CDC42BPA: variants seen among roughly 807,000 people sequenced by gnomAD.
The protein encoded by CDC42BPA is CDC42 binding protein kinase alpha.
In CDC42BPA, 80 loss-of-function variants were observed where a neutral mutation model predicts 223.5. The observed-to-expected ratio is 0.36, with a 90% CI of 0.30 to 0.43. The LOEUF (loss-of-function observed/expected upper bound fraction) is 0.43, where lower values mean the gene tolerates loss of function less well. CDC42BPA is among the 20% of genes least tolerant of loss of function. CDC42BPA has a pLI of 1.00. For synonymous variants in CDC42BPA, 694 were observed against 718.6 expected (o/e 0.97, Z 0.55); for missense variants, 1,743 against 2,099.9 (o/e 0.83, Z 3.32).
intron 5 of CDC42BPA, chr1:227,182,841 A>C (rs1202276705): frequency 1.3e-5 from 2 of 152,168 alleles, no homozygotes; most frequent in African/African-American, 4.8e-5. Flanking sequence ...CTGCTTGCTG[A>C]GTCTTCTGGC....
chr1:227,027,104 T>C lies in CDC42BPA; in HGVS notation c.4433-952A>G, dbSNP rs190682052. Reference sequence around the variant, plus strand: ...CACTGTGCCCACCTAAGACCATATTTTTCAGAAGAAACAAAATATTAAAAA... The same window carrying C: ...CACTGTGCCCACCTAAGACCATATTCTTCAGAAGAAACAAAATATTAAAAA... On this transcript the variant is annotated intron_variant, in intron 30 of 36. Transcript: ENST00000366766. Among the ~76,000 whole-genome samples the C allele has an allele frequency of 2.6e-5, 4 of 152,280 alleles. No individual in the cohort carries two copies. The East Asian group carries it at 7.7e-4, about 29-fold the overall frequency.
In CDC42BPA at chr1:227,177,036, G is replaced by A. The variant is rs183277282; in HGVS notation, c.600-16400C>T. On this transcript the variant is annotated intron_variant, in intron 5 of 36. Transcript: ENST00000366766. Reference sequence around the variant, plus strand: ...AATTTGTTTATGCCCTACCTCTCTCGATTATCTCATAGCTGTCATATACAT... The same window carrying A: ...AATTTGTTTATGCCCTACCTCTCTCAATTATCTCATAGCTGTCATATACAT... Among the ~76,000 whole-genome samples, 194 of 147,432 alleles carry A rather than the reference G, an allele frequency of 1.3e-3. 1 individual carries two copies. The highest frequency in any genetic ancestry group is 2.1e-3 in the Non-Finnish European group (144 of 67,252).
rs1281838094 is a variant in CDC42BPA, at chr1:227,232,003, C to G, written c.271-18784G>C. ...TTTAGTTTAATTAGATCCCATTTGT[C>G]AATTTTGGCTTTTGTTGCCATTGCT... On this transcript the variant is annotated intron_variant, in intron 2 of 36. Coordinates refer to ENST00000366766, the MANE Select transcript of CDC42BPA (RefSeq NM_001394014.1). Among the ~76,000 whole-genome samples, 3 of 152,280 alleles carry G rather than the reference C, an allele frequency of 2.0e-5. No individual in the cohort carries two copies. The Middle Eastern group carries it at 0.01, about 518-fold the overall frequency.
Position 227,029,242 on chromosome 1 carries a change from TA to T in CDC42BPA, c.3846del (p.Arg1283GlufsTer22). On this transcript the variant is annotated frameshift_variant, in exon 30 of 37. Coordinates refer to ENST00000366766, the MANE Select transcript of CDC42BPA (RefSeq NM_001394014.1). LOFTEE classifies it high-confidence loss of function. ...TGAATCTTCTTATTGTCACCAACTC[TA>T]ATAATTTCTAAACACAGAAAGAATA... is the stretch of plus-strand genomic sequence containing the variant. ...FVVHVTKDEI[I>X]RVGDNKKIHQ... The T allele has an allele frequency of 6.5e-7, 1 of 1,549,238 alleles. No individual in the cohort carries two copies. The highest frequency in any genetic ancestry group is 8.8e-7 in the Non-Finnish European group (1 of 1,142,528).
At chr1:227,022,029 A>AAAAT (rs1264591514) in intron 32 of CDC42BPA, among the ~76,000 whole-genome samples, 1 of 124,852 alleles carries the variant, frequency 8.0e-6, no homozygotes, top group Non-Finnish European at 1.9e-5. Context: ...CCCCGCAAAA[A>AAAAT]AAAAATAAAA....
At chr1:227,020,986 G>C (rs535376603) in intron 32 of CDC42BPA, among the ~76,000 whole-genome samples, 1 of 152,262 alleles carries the variant, frequency 6.6e-6, no homozygotes, top group African/African-American at 2.4e-5. Flanking sequence ...CAATGAGAGG[G>C]AGGGAGACCA....
intron 2 of CDC42BPA, among the ~76,000 whole-genome samples, chr1:227,232,855 G>A (rs952844095): frequency 6.6e-6 from 1 of 152,224 alleles, no homozygotes; most frequent in Non-Finnish European, 1.5e-5. Context: ...GGCTACTCGT[G>A]TGTCAGGGAC....
chr1:227,310,131 C>G (rs1202312496), intron 1 of CDC42BPA, among the ~76,000 whole-genome samples: 1 of 152,208 alleles, frequency 6.6e-6, no homozygotes, highest in Admixed American at 6.5e-5. Context: ...AAAGCGTATT[C>G]TGTGAAACAC....
chr1:227,086,168 C>A (rs1386920053), intron 16 of CDC42BPA, among the ~76,000 whole-genome samples: 1 of 152,128 alleles, frequency 6.6e-6, no homozygotes, highest in African/African-American at 2.4e-5. Flanking sequence ...GAATTTCACT[C>A]CTTTTTACTG....
chr1:227,168,823 T>C (rs923757602), intron 5 of CDC42BPA, among the ~76,000 whole-genome samples: 34 of 152,218 alleles, frequency 2.2e-4, no homozygotes, highest in Admixed American at 2.2e-3. Context: ...GCATCTCAAA[T>C]ACATAAAATT....
At chr1:227,247,159 C>T (rs1160645867) in intron 2 of CDC42BPA, among the ~76,000 whole-genome samples, 1 of 152,040 alleles carries the variant, frequency 6.6e-6, no homozygotes, top group Non-Finnish European at 1.5e-5. Context: ...AAGATCGTGT[C>T]ACTGCACTCT....
Position 227,317,226 on chromosome 1 carries a change from G to C in CDC42BPA, c.-44C>G. The C allele has an allele frequency of 1.9e-6, 3 of 1,568,642 alleles. No homozygotes were observed. The highest frequency in any genetic ancestry group is 2.6e-6 in the Non-Finnish European group (3 of 1,156,140). Reference sequence around the variant, plus strand: ...TGGTTTTCCTTTAAATTATTATGATGACTTTTACTATTATCTGAACCTAAA... The same window carrying C: ...TGGTTTTCCTTTAAATTATTATGATCACTTTTACTATTATCTGAACCTAAA... On this transcript the variant is annotated 5_prime_UTR_variant, in exon 1 of 37. Coordinates refer to ENST00000366766, the MANE Select transcript of CDC42BPA (RefSeq NM_001394014.1).
At chr1:227,125,316 T>G (rs1689367877) in intron 11 of CDC42BPA, among the ~76,000 whole-genome samples, 1 of 149,368 alleles carries the variant, frequency 6.7e-6, no homozygotes, top group East Asian at 2.0e-4. Context: ...TCTGCAAGAG[T>G]GGTGTCAGAA....
chr1:227,063,193 C>G (rs1407426654), intron 21 of CDC42BPA, among the ~76,000 whole-genome samples: 2 of 152,078 alleles, frequency 1.3e-5, no homozygotes, highest in East Asian at 3.8e-4. Context: ...TCATATATAC[C>G]TACACACACT....
intron 11 of CDC42BPA, among the ~76,000 whole-genome samples, chr1:227,126,500 GAAGGAAGGAAGGAAGGAAGGTAAGA>G (rs1464696899): frequency 1.9e-4 from 23 of 119,002 alleles, no homozygotes; most frequent in African/African-American, 6.0e-4. Context: ...AGGAAGGAAG[GAAGGAAGGAAGGAAGGAAGGTAAGA>G]AAGGAAAAAG....
At chr1:227,080,847 A>G (rs1324279400) in intron 17 of CDC42BPA, 46 bp downstream of exon 17, 1 of 1,608,320 alleles carries the variant, frequency 6.2e-7, no homozygotes, top group East Asian at 2.2e-5. Flanking sequence ...CAACTTGGCC[A>G]CATACTCACA....
intron 1 of CDC42BPA, among the ~76,000 whole-genome samples, chr1:227,288,850 C>T (rs1158230726): frequency 6.6e-6 from 1 of 150,990 alleles, no homozygotes; most frequent in African/African-American, 2.4e-5. Context: ...CAAAATTGGC[C>T]AGGTGTGGTG....
intron 2 of CDC42BPA, among the ~76,000 whole-genome samples, chr1:227,237,045 C>CAAGAAAAA (rs1679176726): frequency 1.2e-5 from 1 of 84,396 alleles, no homozygotes; most frequent in Non-Finnish European, 2.2e-5. Flanking sequence ...CCGGTCTCCA[C>CAAGAAAAA]AAAAAAAAAA....
chr1:227,056,392 C>CTT (rs566998997), intron 21 of CDC42BPA, among the ~76,000 whole-genome samples: 1,347 of 118,080 alleles, frequency 0.011, 22 homozygotes, highest in African/African-American at 0.039. Context: ...CTTTTCTTTT[C>CTT]TTTTTTTTTT....
Sources: allele counts gnomAD v4.1 joint callset (sites outside exome capture counted in the v4.1 genomes callset), GRCh38; gene constraint gnomAD v4.1.1; transcripts MANE v1.5; gene names NCBI Gene and HGNC (gene_info 2026-07-23, HGNC 2026-07-21).